LRRC4C: variants seen among roughly 807,000 people sequenced by gnomAD.
LRRC4C encodes leucine-rich repeat-containing protein 4C.
A neutral mutation model predicts 33.6 loss-of-function variants in LRRC4C; 5 were observed. That is an observed-to-expected ratio of 0.15 (90% CI 0.08 to 0.31). LRRC4C has a LOEUF of 0.31. LRRC4C is among the 10% of genes least tolerant of loss of function. LRRC4C has a pLI of 1.00. For synonymous variants in LRRC4C, 329 were observed against 302.0 expected (o/e 1.09, Z -0.93); for missense variants, 560 against 796.7 (o/e 0.70, Z 3.58).
At position 40,562,110 on chromosome 11, in the gene LRRC4C, C is replaced by A. The variant is rs575813356; in HGVS notation, c.-270+86032G>T. Among the ~76,000 whole-genome samples the A allele has an allele frequency of 8.1e-4, 124 of 152,200 alleles. 1 individual carries two copies. The highest frequency in any genetic ancestry group is 1.5e-3 in the South Asian group (7 of 4,824). ...GCTAGAAGTACAATGATTTCCAAAC[C>A]GTGAAGATTTCAGTCTAAACACTTA... On this transcript the variant is annotated intron_variant, in intron 3 of 6. Transcript: ENST00000528697.
intron 3 of LRRC4C, among the ~76,000 whole-genome samples, chr11:40,483,903 T>A (rs1038494887): frequency 6.6e-5 from 10 of 151,856 alleles, no homozygotes; most frequent in Admixed American, 5.9e-4. Context: ...CCAAAAAGCA[T>A]TTCCAGAAAA....
intron 3 of LRRC4C, among the ~76,000 whole-genome samples, chr11:40,511,433 TG>T (rs1955310239): frequency 6.6e-6 from 1 of 152,180 alleles, no homozygotes; most frequent in Non-Finnish European, 1.5e-5. Flanking sequence ...GAAGCAGAAT[TG>T]AACATTAATC....
intron 1 of LRRC4C, among the ~76,000 whole-genome samples, chr11:41,096,975 AG>A (rs1308839519): frequency 6.6e-6 from 1 of 152,138 alleles, no homozygotes; most frequent in African/African-American, 2.4e-5. Flanking sequence ...TGGTCCTCAA[AG>A]GTATGAAGAA....
At chr11:40,960,772 A>C (rs1404000107) in intron 1 of LRRC4C, among the ~76,000 whole-genome samples, 1 of 151,714 alleles carries the variant, frequency 6.6e-6, no homozygotes, top group Non-Finnish European at 1.5e-5. Flanking sequence ...GAAGCATAGA[A>C]ATTAAAAGAG....
intron 2 of LRRC4C, among the ~76,000 whole-genome samples, chr11:40,650,763 A>T (rs1430810085): frequency 6.6e-6 from 1 of 151,976 alleles, no homozygotes; most frequent in South Asian, 2.1e-4. Context: ...TTAATTTAAC[A>T]CTCTCTTATA....
chr11:40,709,447 T>C (rs1217779190), intron 2 of LRRC4C, among the ~76,000 whole-genome samples: 1 of 152,168 alleles, frequency 6.6e-6, no homozygotes, highest in Non-Finnish European at 1.5e-5. Flanking sequence ...AGGATTTTAT[T>C]TCTCCTTCAC....
At chr11:40,996,851 T>C (rs1328393263) in intron 1 of LRRC4C, among the ~76,000 whole-genome samples, 3 of 152,084 alleles carry the variant, frequency 2.0e-5, no homozygotes, top group African/African-American at 7.2e-5. Flanking sequence ...AACTCACTAA[T>C]TACTGTGAGT....
chr11:40,964,756 A>G (rs1176267417), intron 1 of LRRC4C, among the ~76,000 whole-genome samples: 1 of 151,620 alleles, frequency 6.6e-6, no homozygotes, highest in African/African-American at 2.4e-5. Flanking sequence ...ACATTTTCTT[A>G]ATCCAGTCTA....
chr11:41,397,781 A>G (rs1195917505), intron 1 of LRRC4C, among the ~76,000 whole-genome samples: 4 of 151,908 alleles, frequency 2.6e-5, no homozygotes, highest in African/African-American at 7.2e-5. Flanking sequence ...CTAGCTTTTA[A>G]TAATTTGAAT....
intron 5 of LRRC4C, among the ~76,000 whole-genome samples, chr11:40,225,156 T>A (rs963518401): frequency 6.6e-6 from 1 of 152,156 alleles, no homozygotes; most frequent in African/African-American, 2.4e-5. Context: ...AATTGAATAT[T>A]CCTAGAGAAA....
intron 1 of LRRC4C, among the ~76,000 whole-genome samples, chr11:41,449,489 T>C (rs978579805): frequency 2.4e-4 from 36 of 152,068 alleles, no homozygotes; most frequent in African/African-American, 8.5e-4. Context: ...AAAATGTCCC[T>C]ATATTCTGGC....
At chr11:41,224,354 G>A (rs1947436330) in intron 1 of LRRC4C, among the ~76,000 whole-genome samples, 1 of 152,126 alleles carries the variant, frequency 6.6e-6, no homozygotes, top group African/African-American at 2.4e-5. Context: ...ACTCATGAAA[G>A]GTGAGAGGTA....
At position 40,333,060 on chromosome 11, in the gene LRRC4C, G is replaced by T. The variant is rs34833345; in HGVS notation, c.-269-13339C>A. On this transcript the variant is annotated intron_variant, in intron 3 of 6. Coordinates refer to ENST00000528697, the MANE Select transcript of LRRC4C (RefSeq NM_001258419.2). ...GCACTTATGACCCATGCATGTGTCT[G>T]AAAGAATCTGTATATGTGAGGTGTT... Among the ~76,000 whole-genome samples, 711 of 152,270 alleles carry T rather than the reference G, an allele frequency of 4.7e-3. 7 individuals are homozygous for T. Among genetic ancestry groups the T allele is most frequent in the African/African-American group, 0.016 (654 of 41,558 alleles).
At chr11:41,185,479 A>G (rs1161075629) in intron 1 of LRRC4C, among the ~76,000 whole-genome samples, 1 of 152,202 alleles carries the variant, frequency 6.6e-6, no homozygotes, top group Non-Finnish European at 1.5e-5. Flanking sequence ...AGTAAAACAG[A>G]AAATCTGCAT....
At chr11:41,008,416 A>G (rs1326653485) in intron 1 of LRRC4C, among the ~76,000 whole-genome samples, 1 of 152,122 alleles carries the variant, frequency 6.6e-6, no homozygotes, top group African/African-American at 2.4e-5. Flanking sequence ...TACAGGGTAC[A>G]CAGTAATCTG....
chr11:40,663,734 T>C (rs1943572181), intron 2 of LRRC4C, among the ~76,000 whole-genome samples: 1 of 152,194 alleles, frequency 6.6e-6, no homozygotes, highest in Non-Finnish European at 1.5e-5. Context: ...AGAGAATTTC[T>C]AAATTTGTAC....
rs143818596 is a variant in LRRC4C, at chr11:41,431,649, G to GTGTA, written c.-496+27778_-496+27781dup. On this transcript the variant is annotated intron_variant, in intron 1 of 6. Coordinates refer to ENST00000528697, the MANE Select transcript of LRRC4C (RefSeq NM_001258419.2). The stretch of plus-strand genomic sequence containing the variant: ...TTTCTAAGAGTGTGTGTGTGTGTGT[G>GTGTA]TGTACACGTACACACACGCACACAC... Among the ~76,000 whole-genome samples, 1,069 of 151,428 alleles carry GTGTA rather than the reference G, an allele frequency of 7.1e-3. 7 individuals are homozygous for GTGTA. Among genetic ancestry groups the GTGTA allele is most frequent in the Middle Eastern group, 0.031 (9 of 294 alleles).
At chr11:41,268,743 A>G (rs921677741) in intron 1 of LRRC4C, among the ~76,000 whole-genome samples, 13 of 152,120 alleles carry the variant, frequency 8.5e-5, no homozygotes, top group Non-Finnish European at 1.8e-4. Flanking sequence ...AGTTGATGCA[A>G]TAGATGATAT....
rs1480661822 is a variant in LRRC4C, at chr11:41,305,424, C to T, written c.-496+154007G>A. ...GGTGTGCCCAACAGCTCATTGAGAA[C>T]GGGCCAGGATGACAATGGCGGCTTT... On this transcript the variant is annotated intron_variant, in intron 1 of 6. Transcript: ENST00000528697. Among the ~76,000 whole-genome samples the T allele has an allele frequency of 2.4e-4, 12 of 50,422 alleles. 2 individuals are homozygous for T. The highest frequency in any genetic ancestry group is 5.3e-4 in the African/African-American group (12 of 22,576). The allele number at this position is 50,422 out of a possible 152,430, so 33.1% of individuals were successfully genotyped here.
Sources: gnomAD v4.1 joint callset for allele counts (sites outside exome capture counted in the v4.1 genomes callset) on GRCh38, gnomAD v4.1.1 for gene constraint, MANE v1.5 for transcripts, NCBI Gene and HGNC (gene_info 2026-07-23, HGNC 2026-07-21) for gene names.